The following RYR3 variants were observed in gnomAD, a reference collection of about 807,000 sequenced individuals.
RYR3 encodes the protein brain ryanodine receptor-calcium release channel.
RYR3 carries 207 observed loss-of-function variants against 584.3 expected under a neutral mutation model. That is an observed-to-expected ratio of 0.35 (90% CI 0.32 to 0.40). The LOEUF is 0.40. Ranked by LOEUF, RYR3 falls within the 10% of genes least tolerant of loss-of-function variation. The pLI is 1.00. For synonymous variants in RYR3, 2,416 were observed against 2,248.5 expected (o/e 1.07, Z -2.11); for missense variants, 5,616 against 6,089.2 (o/e 0.92, Z 2.59).
chr15:33,715,737 G>A (rs1188693794), intron 43 of RYR3, among the ~76,000 whole-genome samples: 2 of 152,140 alleles, frequency 1.3e-5, no homozygotes, highest in African/African-American at 4.8e-5. Context: ...TGCATCCTCT[G>A]GAGAGGAGGA....
At position 33,539,451 on chromosome 15, in the gene RYR3, G is replaced by A. The variant is rs1382687173; in HGVS notation, c.535G>A (p.Glu179Lys). The A allele has an allele frequency of 1.9e-6, 3 of 1,588,452 alleles. No individual in the cohort carries two copies. Among genetic ancestry groups the A allele is most frequent in the Non-Finnish European group, 2.6e-6 (3 of 1,163,922 alleles). Residue 179 changes from glutamate to lysine, a missense_variant, in exon 6 of 104, where the codon GAA becomes AAA. Glu to Lys is a moderately conservative substitution (Grantham distance 56). Around this residue, in one of 9 missense-constraint regions of RYR3, gnomAD observed 1,284 missense variants for 1,344.6 expected, o/e 0.95. Transcript: ENST00000634891. ...CCTCATCCTCGTCAGCGTGTCCTCT[G>A]AAAGATACCTTGTAAGTACCTCATA... ...DDLILVSVSS[E>K]RYLHLSVSNG...
intron 69 of RYR3, among the ~76,000 whole-genome samples, chr15:33,803,038 CTTT>C (rs1025778805): frequency 4.6e-5 from 7 of 152,196 alleles, no homozygotes; most frequent in African/African-American, 1.4e-4. Context: ...AAAGCGAAAA[CTTT>C]AGCATCTGGA....
At chr15:33,346,982 T>C (rs1249001401) in intron 1 of RYR3, among the ~76,000 whole-genome samples, 1 of 152,162 alleles carries the variant, frequency 6.6e-6, no homozygotes, top group African/African-American at 2.4e-5. Flanking sequence ...TGGACAGACA[T>C]GCATCTGGTG....
chr15:33,454,502 C>G (rs2047386127), intron 1 of RYR3, among the ~76,000 whole-genome samples: 1 of 152,188 alleles, frequency 6.6e-6, no homozygotes, highest in Non-Finnish European at 1.5e-5. Flanking sequence ...CGAACATATC[C>G]TCTCTGCTAG....
chr15:33,795,793 AGTGCT>A (rs1196985973), intron 67 of RYR3, among the ~76,000 whole-genome samples: 2 of 152,098 alleles, frequency 1.3e-5, no homozygotes, highest in African/African-American at 4.8e-5. Context: ...TGCCTCCCAA[AGTGCT>A]GGGATTACAG....
intron 2 of RYR3, among the ~76,000 whole-genome samples, chr15:33,489,259 G>C (rs1054950073): frequency 1.3e-5 from 2 of 152,076 alleles, no homozygotes; most frequent in Non-Finnish European, 2.9e-5. Flanking sequence ...TTGTTACATA[G>C]GTAAACTTGT....
At chr15:33,847,911 C>G (rs891875847) in intron 93 of RYR3, among the ~76,000 whole-genome samples, 6 of 152,150 alleles carry the variant, frequency 3.9e-5, no homozygotes, top group African/African-American at 1.2e-4. Flanking sequence ...CCGATCTATT[C>G]TAGAATGGTT....
rs2052208538 is a variant in RYR3, at chr15:33,503,710, C to T, written c.251C>T (p.Ala84Val). 6.2e-7 allele frequency: 1 copy of T among 1,612,310 alleles called. No homozygotes were observed. The highest frequency in any genetic ancestry group is 1.7e-5 in the Admixed American group (1 of 59,872). ...GTCAGAGCCCTGCAGGAAATGCTTG[C>T]CAACACAGGTGAAAATGGCGGCGAA... ...LSVRALQEML[A>V]NTGENGGEGA... Residue 84 changes from alanine to valine, a missense_variant, in exon 3 of 104, where the codon GCC becomes GTC. Around this residue, in one of 9 missense-constraint regions of RYR3, gnomAD observed 1,284 missense variants for 1,344.6 expected, o/e 0.95. Coordinates refer to ENST00000634891, the MANE Select transcript of RYR3 (RefSeq NM_001036.6).
At chr15:33,853,423 C>T (rs2079313120) in intron 95 of RYR3, 132 bp from the exon 96 acceptor site, 1 of 1,181,390 alleles carries the variant, frequency 8.5e-7, no homozygotes, top group Non-Finnish European at 1.1e-6. Flanking sequence ...CTTTTTTCTG[C>T]ATTTTGAACT....
chr15:33,468,890 C>A (rs1194478811), intron 1 of RYR3, among the ~76,000 whole-genome samples: 1 of 152,136 alleles, frequency 6.6e-6, no homozygotes, highest in Non-Finnish European at 1.5e-5. Context: ...CAGGCTCTGC[C>A]CCCTGCCACC....
chr15:33,634,971 G>T lies in RYR3; in HGVS notation c.3175+238G>T, dbSNP rs549095237. On this transcript the variant is annotated intron_variant, in intron 25 of 103. Transcript: ENST00000634891. ...CACTTCTATGACTTATTCCCACAAC[G>T]AATAGGTTATCTTCTAGGGTAGCTG... 4.6e-5 allele frequency among the ~76,000 whole-genome samples: 7 copies of T among 152,260 alleles called. No individual in the cohort carries two copies. The East Asian group carries it at 1.2e-3, about 25-fold the overall frequency.
At chr15:33,788,074 C>G in intron 66 of RYR3, 144 bp from the exon 67 acceptor site, 1 of 1,005,674 alleles carries the variant, frequency 9.9e-7, no homozygotes, top group Non-Finnish European at 1.5e-6. Flanking sequence ...AGGGAAGTAT[C>G]AAGGGGAAGA....
intron 1 of RYR3, among the ~76,000 whole-genome samples, chr15:33,416,341 T>G (rs1175755266): frequency 6.6e-6 from 1 of 152,248 alleles, no homozygotes; most frequent in Non-Finnish European, 1.5e-5. Flanking sequence ...GCATTCTCTT[T>G]TCTCTACAAC....
intron 1 of RYR3, among the ~76,000 whole-genome samples, chr15:33,359,467 T>C (rs1011143203): frequency 1.1e-4 from 16 of 152,128 alleles, no homozygotes; most frequent in African/African-American, 3.6e-4. Context: ...CCTTTGCATG[T>C]CCTGTTGTCA....
chr15:33,505,531 G>A (rs182796690), intron 3 of RYR3, among the ~76,000 whole-genome samples: 161 of 152,034 alleles, frequency 1.1e-3, no homozygotes, highest in African/African-American at 3.0e-3. Flanking sequence ...TTGCTCTGTC[G>A]CCCAGGCTGG....
At chr15:33,455,949 T>C (rs943123447) in intron 1 of RYR3, among the ~76,000 whole-genome samples, 8 of 152,220 alleles carry the variant, frequency 5.3e-5, no homozygotes, top group Admixed American at 4.6e-4. Context: ...ATATAACCTT[T>C]TGTTAATGAC....
chr15:33,599,622 G>A (rs2059564960), intron 16 of RYR3, among the ~76,000 whole-genome samples: 2 of 152,350 alleles, frequency 1.3e-5, no homozygotes, highest in East Asian at 1.9e-4. Flanking sequence ...TCAGTGAGCA[G>A]AGGAGTGACT....
chr15:33,567,843 T>C (rs1238943221), intron 12 of RYR3, among the ~76,000 whole-genome samples: 1 of 152,224 alleles, frequency 6.6e-6, no homozygotes, highest in East Asian at 1.9e-4. Context: ...CTCCAGGTAA[T>C]GCTGATGCAT....
intron 68 of RYR3, among the ~76,000 whole-genome samples, chr15:33,801,418 A>G (rs1443558665): frequency 1.3e-5 from 2 of 152,204 alleles, no homozygotes; most frequent in Admixed American, 1.3e-4. Flanking sequence ...TCAGGAAAAG[A>G]CCAGGAAAGG....
Sources: allele counts gnomAD v4.1 joint callset (sites outside exome capture counted in the v4.1 genomes callset), GRCh38; gene constraint gnomAD v4.1.1; regional missense constraint gnomAD v4.1.1; transcripts MANE v1.5; gene names NCBI Gene and HGNC (gene_info 2026-07-23, HGNC 2026-07-21).